The following MOXD1 variants were observed in gnomAD, a reference collection of about 807,000 sequenced individuals.
MOXD1 encodes the protein DBH-like monooxygenase protein 1.
MOXD1 carries 62 observed loss-of-function variants against 66.6 expected under a neutral mutation model. The observed-to-expected ratio is 0.93, with a 90% CI of 0.76 to 1.15. The LOEUF (loss-of-function observed/expected upper bound fraction) is 1.15, where lower values mean the gene tolerates loss of function less well. Ranked by LOEUF, MOXD1 falls within the 50% of genes most tolerant of loss-of-function variation. The probability of loss-of-function intolerance (pLI) is 0.00; values close to 1 mark genes in which losing one functional copy is unlikely to be tolerated. For synonymous variants in MOXD1, 303 were observed against 281.9 expected (o/e 1.07, Z -0.75); for missense variants, 847 against 754.6 (o/e 1.12, Z -1.44).
intron 4 of MOXD1, among the ~76,000 whole-genome samples, chr6:132,328,873 C>T (rs1196902683): frequency 6.6e-6 from 1 of 152,066 alleles, no homozygotes; most frequent in Non-Finnish European, 1.5e-5. Context: ...AATTCACTGT[C>T]CTGTCCTTTG....
intron 7 of MOXD1, 97 bp downstream of exon 7, chr6:132,323,834 G>A: frequency 7.7e-7 from 1 of 1,306,626 alleles, no homozygotes; most frequent in Non-Finnish European, 1.0e-6. Flanking sequence ...CAACAAGAAA[G>A]GAATCGATAA....
At chr6:132,394,312 TG>T (rs1228878568) in intron 1 of MOXD1, among the ~76,000 whole-genome samples, 1 of 152,040 alleles carries the variant, frequency 6.6e-6, no homozygotes, top group Non-Finnish European at 1.5e-5. Flanking sequence ...CTTCAAGAAA[TG>T]TCATCCCCTA....
chr6:132,315,897 T>C, intron 9 of MOXD1, 120 bp from the exon 10 acceptor site: 1 of 1,047,658 alleles, frequency 9.5e-7, no homozygotes, highest in Non-Finnish European at 1.4e-6. Context: ...ATCTTAAAGC[T>C]GAAAAGTTAA....
At chr6:132,356,251 G>A (rs557915024) in intron 4 of MOXD1, among the ~76,000 whole-genome samples, 20 of 152,184 alleles carry the variant, frequency 1.3e-4, no homozygotes, top group South Asian at 1.0e-3. Context: ...AAAAGAAATC[G>A]GTAAAGGGTT....
In MOXD1 at chr6:132,361,318, CAA is replaced by C. The variant is rs202139650; in HGVS notation, c.663+11288_663+11289del. On this transcript the variant is annotated intron_variant, in intron 4 of 11. Transcript: ENST00000367963. The stretch of plus-strand genomic sequence containing the variant: ...GGTGTTTTTGCCTCTCCATTTTCAC[CAA>C]AAAAAAAAAAACAGCAAGCAATGCA... Among the ~76,000 whole-genome samples the C allele has an allele frequency of 4.4e-3, 585 of 133,722 alleles. 3 individuals carry two copies. The highest frequency in any genetic ancestry group is 0.037 in the Middle Eastern group (10 of 270). 87.7% of individuals were successfully genotyped at this position (133,722 alleles called of 152,430 possible).
chr6:132,328,559 C>A lies in MOXD1; in HGVS notation c.699G>T (p.Leu233=), dbSNP rs1281378239. Residue 233 remains leucine, a synonymous_variant, in exon 5 of 12, where the codon CTG becomes CTT. Transcript: ENST00000367963. The part of the protein sequence containing the change: ...EPVIQRGHES[L]VHHILLYQCS... ...ACTGATAGAGCAGGATGTGGTGCAC[C>A]AGACTCTCATGGCCTCTCTGTATCA... 1 of 1,614,078 alleles carries A rather than the reference C, an allele frequency of 6.2e-7. No homozygotes were observed. The highest frequency in any genetic ancestry group is 1.3e-5 in the African/African-American group (1 of 75,022).
At chr6:132,335,711 A>G (rs1775422480) in intron 4 of MOXD1, among the ~76,000 whole-genome samples, 1 of 152,162 alleles carries the variant, frequency 6.6e-6, no homozygotes, top group African/African-American at 2.4e-5. Context: ...GCTTGCAGTC[A>G]TTTATTACAG....
chr6:132,320,640 C>T lies in MOXD1; in HGVS notation c.1354G>A (p.Glu452Lys). 1 of 1,610,034 alleles carries T rather than the reference C, an allele frequency of 6.2e-7. No individual in the cohort carries two copies. Among genetic ancestry groups the T allele is most frequent in the Non-Finnish European group, 8.5e-7 (1 of 1,178,020 alleles). Residue 452 changes from glutamate (E) to lysine (K), a missense_variant, in exon 9 of 12, where the codon GAG (glutamate) becomes AAG (lysine). By Grantham distance (56) the Glu-to-Lys change is moderately conservative (BLOSUM62 1). Coordinates refer to ENST00000367963, the MANE Select transcript of MOXD1 (RefSeq NM_015529.4). ...AAAAGTTTTCTTACCCAAGTCATCT[C>T]AGCTCTATCTTTCGTGTTGTAGCGA... ...ECRYNTKDRAEMTWGGLSTRS... is the reference protein window; with the variant it reads ...ECRYNTKDRAKMTWGGLSTRS...
intron 4 of MOXD1, among the ~76,000 whole-genome samples, chr6:132,336,108 G>A (rs944536916): frequency 2.0e-5 from 3 of 152,112 alleles, no homozygotes; most frequent in South Asian, 2.1e-4. Context: ...ATGAGAGGAC[G>A]AGTGGAACAC....
At chr6:132,340,126 G>A (rs1437063805) in intron 4 of MOXD1, among the ~76,000 whole-genome samples, 1 of 152,002 alleles carries the variant, frequency 6.6e-6, no homozygotes, top group Non-Finnish European at 1.5e-5. Context: ...CTTGTGATCC[G>A]CCTGCCTCAG....
At chr6:132,366,254 A>G (rs1776138112) in intron 4 of MOXD1, among the ~76,000 whole-genome samples, 1 of 152,192 alleles carries the variant, frequency 6.6e-6, no homozygotes, top group African/African-American at 2.4e-5. Flanking sequence ...TTTAGAAAAT[A>G]AATAGAGTTA....
chr6:132,389,735 C>G (rs1330562326), intron 1 of MOXD1, among the ~76,000 whole-genome samples: 1 of 151,436 alleles, frequency 6.6e-6, no homozygotes. Context: ...TCTGCCATAG[C>G]ATGAACTCAT....
chr6:132,307,703 C>T (rs1214412739), intron 10 of MOXD1, among the ~76,000 whole-genome samples: 2 of 152,158 alleles, frequency 1.3e-5, no homozygotes, highest in African/African-American at 4.8e-5. Flanking sequence ...AATTAGAACT[C>T]AGGATTAACA....
intron 10 of MOXD1, among the ~76,000 whole-genome samples, chr6:132,302,777 T>G (rs1380219298): frequency 6.6e-6 from 1 of 152,026 alleles, no homozygotes; most frequent in South Asian, 2.1e-4. Context: ...ATGACAAAGT[T>G]TTGGAGACCT....
chr6:132,352,638 C>T (rs1442988273), intron 4 of MOXD1, among the ~76,000 whole-genome samples: 1 of 152,128 alleles, frequency 6.6e-6, no homozygotes, highest in Non-Finnish European at 1.5e-5. Context: ...CTGTATATAT[C>T]TGTTAAGTCC....
At chr6:132,384,256 TCC>T (rs1776573557) in intron 1 of MOXD1, among the ~76,000 whole-genome samples, 1 of 85,226 alleles carries the variant, frequency 1.2e-5, no homozygotes, top group Admixed American at 1.1e-4. Flanking sequence ...CTTCCTTCCT[TCC>T]TTCCTTCCTT....
intron 10 of MOXD1, among the ~76,000 whole-genome samples, chr6:132,299,940 T>C (rs560963789): frequency 1.3e-5 from 2 of 151,898 alleles, no homozygotes; most frequent in Non-Finnish European, 2.9e-5. Flanking sequence ...CTCAGGCACA[T>C]TGAATATCAT....
chr6:132,379,930 CT>C (rs1776476522), intron 1 of MOXD1, among the ~76,000 whole-genome samples: 1 of 152,106 alleles, frequency 6.6e-6, no homozygotes, highest in Non-Finnish European at 1.5e-5. Context: ...AATTTTATTT[CT>C]TGTAGAGATG....
At chr6:132,324,149 A>T (rs1278628578) in intron 6 of MOXD1, 52 bp from the exon 7 acceptor site, 1 of 1,539,004 alleles carries the variant, frequency 6.5e-7, no homozygotes, top group East Asian at 2.3e-5. Flanking sequence ...AAATGTTTTC[A>T]TTCCCAAGAA....
Sources: gnomAD v4.1 joint callset for allele counts (sites outside exome capture counted in the v4.1 genomes callset) on GRCh38, gnomAD v4.1.1 for gene constraint, MANE v1.5 for transcripts, NCBI Gene and HGNC (gene_info 2026-07-23, HGNC 2026-07-21) for gene names.